Variants in RIMBP2 observed in about 807,000 individuals in gnomAD.
RIMBP2 encodes RIMS-binding protein 2.
In RIMBP2, 48 loss-of-function variants were observed where a neutral mutation model predicts 118.6. The observed-to-expected ratio is 0.40, with a 90% CI of 0.32 to 0.51. The LOEUF is 0.51. Ranked by LOEUF, RIMBP2 falls within the 20% of genes least tolerant of loss-of-function variation. The probability of loss-of-function intolerance (pLI) is 0.41; values close to 1 mark genes in which losing one functional copy is unlikely to be tolerated. For synonymous variants in RIMBP2, 762 were observed against 742.9 expected (o/e 1.03, Z -0.42); for missense variants, 1,551 against 1,768.3 (o/e 0.88, Z 2.20).
At chr12:130,400,340 C>T (rs1171587960) in intron 21 of RIMBP2, among the ~76,000 whole-genome samples, 1 of 152,204 alleles carries the variant, frequency 6.6e-6, no homozygotes, top group African/African-American at 2.4e-5. Flanking sequence ...AACATTCAAA[C>T]AATATGGAGA....
At chr12:130,564,401 G>T (rs1337477717) in intron 2 of RIMBP2, among the ~76,000 whole-genome samples, 1 of 151,978 alleles carries the variant, frequency 6.6e-6, no homozygotes, top group Non-Finnish European at 1.5e-5. Context: ...TTTAAAAATT[G>T]GGGTGAGATT....
chr12:130,652,652 GT>G (rs577048049), intron 1 of RIMBP2, among the ~76,000 whole-genome samples: 98 of 152,168 alleles, frequency 6.4e-4, no homozygotes, highest in Non-Finnish European at 1.1e-3. Flanking sequence ...GTATTATATT[GT>G]TTTTTCATTG....
At chr12:130,534,604 G>A (rs924276319) in intron 2 of RIMBP2, among the ~76,000 whole-genome samples, 3 of 152,200 alleles carry the variant, frequency 2.0e-5, no homozygotes, top group Non-Finnish European at 4.4e-5. Flanking sequence ...CACCAACTTT[G>A]GTGCTGTCAA....
At chr12:130,459,922 G>A (rs555964073) in intron 6 of RIMBP2, among the ~76,000 whole-genome samples, 1 of 152,324 alleles carries the variant, frequency 6.6e-6, no homozygotes, top group Non-Finnish European at 1.5e-5. Context: ...CCCTTGCCCT[G>A]GCCCATCAGT....
At chr12:130,661,817 G>C (rs1359208522) in intron 1 of RIMBP2, among the ~76,000 whole-genome samples, 1 of 152,070 alleles carries the variant, frequency 6.6e-6, no homozygotes, top group Non-Finnish European at 1.5e-5. Context: ...CCCAAGCCTC[G>C]CACCTGCAGA....
intron 1 of RIMBP2, among the ~76,000 whole-genome samples, chr12:130,714,866 G>T (rs992475675): frequency 2.0e-5 from 3 of 152,138 alleles, no homozygotes; most frequent in Non-Finnish European, 2.9e-5. Flanking sequence ...GCTGATTCCC[G>T]GACAGCCCAG....
Position 130,511,419 on chromosome 12 carries a change from C to T in RIMBP2, c.-126-4649G>A, listed in dbSNP as rs979835824. On this transcript the variant is annotated intron_variant, in intron 3 of 22. Transcript: ENST00000690449. This position sits in a 1 kb window ranked among gnomAD's most constrained non-coding sequence, Gnocchi z 4.3. The stretch of plus-strand genomic sequence containing the variant: ...AGCAGTCCTCGTTACCGCGAGCACG[C>T]GTCGAATTGTCACTCTACACCAACA... Among the ~76,000 whole-genome samples the T allele has an allele frequency of 2.0e-5, 3 of 152,308 alleles. No individual in the cohort carries two copies. Among genetic ancestry groups the T allele is most frequent in the East Asian group, 1.9e-4 (1 of 5,164 alleles).
At chr12:130,635,749 G>T (rs2062311661) in intron 1 of RIMBP2, among the ~76,000 whole-genome samples, 2 of 152,300 alleles carry the variant, frequency 1.3e-5, no homozygotes, top group Non-Finnish European at 2.9e-5. Flanking sequence ...CAGATGGAAA[G>T]ATGGGGCCCA....
intron 5 of RIMBP2, among the ~76,000 whole-genome samples, chr12:130,478,318 C>T (rs2081620307): frequency 6.6e-6 from 1 of 152,184 alleles, no homozygotes; most frequent in Non-Finnish European, 1.5e-5. Flanking sequence ...CACTTGATAA[C>T]ACATCATGCA....
intron 2 of RIMBP2, among the ~76,000 whole-genome samples, chr12:130,544,989 G>A (rs1161335663): frequency 6.6e-6 from 1 of 152,142 alleles, no homozygotes; most frequent in Non-Finnish European, 1.5e-5. Context: ...ATATTCTGAA[G>A]GAAGTGTCTG....
At chr12:130,566,659 C>T (rs1462907527) in intron 2 of RIMBP2, among the ~76,000 whole-genome samples, 1 of 152,240 alleles carries the variant, frequency 6.6e-6, no homozygotes, top group African/African-American at 2.4e-5. Context: ...AGCCTCCGGA[C>T]TCTGCAGCCC....
Position 130,441,916 on chromosome 12 carries a change from G to A in RIMBP2, c.1436C>T (p.Pro479Leu), listed in dbSNP as rs756569683. Residue 479 changes from proline to leucine, a missense_variant, in exon 11 of 23, where the codon CCG becomes CTG. Coordinates refer to ENST00000690449, the MANE Select transcript of RIMBP2 (RefSeq NM_001393629.1). ...CCTTTGCTCCAGCGGGAGCTGCCAC[G>A]GCATCTGGTGGGGTTTGGCCAGAAC... is the stretch of plus-strand genomic sequence containing the variant. The part of the protein sequence containing the change: ...VKVLAKPHQM[P>L]WQLPLEQREK... 9.9e-6 allele frequency: 16 copies of A among 1,613,950 alleles called. No homozygotes were observed. Among genetic ancestry groups the A allele is most frequent in the Non-Finnish European group, 1.1e-5 (13 of 1,180,032 alleles).
rs549093621 is a variant in RIMBP2, at chr12:130,712,673, G to C, written c.-352+3549C>G. On this transcript the variant is annotated intron_variant, in intron 1 of 22. Transcript: ENST00000690449. Reference sequence around the variant, plus strand: ...AATACACTCTAAAATCATGATAAAAGTTACAGTAAATCCATAAGCCAGTAA... The same window carrying C: ...AATACACTCTAAAATCATGATAAAACTTACAGTAAATCCATAAGCCAGTAA... Among the ~76,000 whole-genome samples the C allele has an allele frequency of 7.2e-5, 11 of 152,282 alleles. No individual in the cohort carries two copies. In the South Asian group the frequency reaches 2.3e-3, roughly 32 times the overall value.
chr12:130,525,859 C>G lies in RIMBP2; in HGVS notation c.-216-7942G>C, dbSNP rs1283289474. ...CACTGCCATGTGGCAGACATTCTTG[C>G]TATCCTGCTTGTCAAGGGAAGAAAT... On this transcript the variant is annotated intron_variant, in intron 2 of 22. Coordinates refer to ENST00000690449, the MANE Select transcript of RIMBP2 (RefSeq NM_001393629.1). This position sits in a 1 kb window ranked among gnomAD's most constrained non-coding sequence, Gnocchi z 4.4. Among the ~76,000 whole-genome samples the G allele has an allele frequency of 6.6e-6, 1 of 152,156 alleles. No individual in the cohort carries two copies. Among genetic ancestry groups the G allele is most frequent in the Non-Finnish European group, 1.5e-5 (1 of 68,014 alleles).
chr12:130,641,321 A>T (rs12822099), intron 1 of RIMBP2, among the ~76,000 whole-genome samples: 32 of 149,614 alleles, frequency 2.1e-4, no homozygotes, highest in African/African-American at 5.2e-4. Flanking sequence ...TCGGCCCGGC[A>T]TCACGGGCTG....
rs187690682 is a variant in RIMBP2 at position 130,450,962 on chromosome 12, A to G, written c.504+233T>C. 2.8e-4 allele frequency among the ~76,000 whole-genome samples: 42 copies of G among 152,314 alleles called. No homozygotes were observed. Among genetic ancestry groups the G allele is most frequent in the Admixed American group, 7.2e-4 (11 of 15,298 alleles). ...TTGCTTTTCTAAACGCTGCCTCGCCAGTGTTCTCTCTGCTCCCCCTTAGAA... is the reference window on the plus strand; with the variant it reads ...TTGCTTTTCTAAACGCTGCCTCGCCGGTGTTCTCTCTGCTCCCCCTTAGAA... On this transcript the variant is annotated intron_variant, in intron 8 of 22. Coordinates refer to ENST00000690449, the MANE Select transcript of RIMBP2 (RefSeq NM_001393629.1). This position sits in a 1 kb window ranked among gnomAD's most constrained non-coding sequence, Gnocchi z 4.8.
Position 130,545,957 on chromosome 12 carries a change from G to A in RIMBP2, c.-216-28040C>T, listed in dbSNP as rs537914280. 1.0e-3 allele frequency among the ~76,000 whole-genome samples: 157 copies of A among 152,262 alleles called. 2 individuals carry two copies. Among genetic ancestry groups the A allele is most frequent in the African/African-American group, 3.7e-3 (153 of 41,538 alleles). ...ACTTAGTTTCATTCTCAGCGCAGTA[G>A]GGAAAAAATCTTAACACAGCTTGGG... On this transcript the variant is annotated intron_variant, in intron 2 of 22. Transcript: ENST00000690449.
At chr12:130,594,356 T>C (rs2059436134) in intron 2 of RIMBP2, among the ~76,000 whole-genome samples, 1 of 152,200 alleles carries the variant, frequency 6.6e-6, no homozygotes. Context: ...ATGACCAGTA[T>C]TTTGTAAACA....
At chr12:130,624,804 A>C (rs1349806523) in intron 2 of RIMBP2, among the ~76,000 whole-genome samples, 1 of 152,200 alleles carries the variant, frequency 6.6e-6, no homozygotes, top group Non-Finnish European at 1.5e-5. Flanking sequence ...AGCTTACTGC[A>C]ACCTCTGCTT....
Sources: allele counts gnomAD v4.1 joint callset (sites outside exome capture counted in the v4.1 genomes callset), GRCh38; gene constraint gnomAD v4.1.1; non-coding constraint Gnocchi (gnomAD v3.1); transcripts MANE v1.5; gene names NCBI Gene and HGNC (gene_info 2026-07-23, HGNC 2026-07-21).